Variants in ESRRG observed in about 807,000 individuals in gnomAD.
The protein encoded by ESRRG is estrogen-related receptor gamma.
Under a neutral mutation model 44.0 loss-of-function variants are expected in ESRRG, and 13 were observed. The observed-to-expected ratio is 0.30, with a 90% CI of 0.19 to 0.47. ESRRG has a LOEUF of 0.47. Ranked by LOEUF, ESRRG falls within the 20% of genes least tolerant of loss-of-function variation. The pLI is 1.00. For missense variants in ESRRG, 395 were observed against 580.6 expected (o/e 0.68, Z 3.29); for synonymous variants, 215 against 214.6 (o/e 1.00, Z -0.02).
intron 2 of ESRRG, among the ~76,000 whole-genome samples, chr1:216,778,474 A>G (rs1031399429): frequency 6.6e-6 from 1 of 152,038 alleles, no homozygotes; most frequent in African/African-American, 2.4e-5. Flanking sequence ...AGTATCCACT[A>G]CAGAAGTGTT....
intron 5 of ESRRG, among the ~76,000 whole-genome samples, chr1:216,562,854 T>C (rs1214042592): frequency 6.6e-6 from 1 of 152,200 alleles, no homozygotes; most frequent in Non-Finnish European, 1.5e-5. Context: ...AGTGCTTTCC[T>C]TACAAATAAG....
At chr1:216,899,914 A>G (rs931525913) in intron 2 of ESRRG, among the ~76,000 whole-genome samples, 2 of 152,112 alleles carry the variant, frequency 1.3e-5, no homozygotes, top group Non-Finnish European at 2.9e-5. Context: ...AAGTCTCTGG[A>G]TGTGGAGCCA....
At chr1:216,719,493 T>C (rs1024407513) in intron 1 of ESRRG, among the ~76,000 whole-genome samples, 5 of 152,070 alleles carry the variant, frequency 3.3e-5, no homozygotes, top group African/African-American at 1.2e-4. Flanking sequence ...GCTGATTTCC[T>C]GCATTATTTT....
intron 1 of ESRRG, among the ~76,000 whole-genome samples, chr1:217,101,110 C>T (rs1461197507): frequency 6.6e-6 from 1 of 152,190 alleles, no homozygotes; most frequent in East Asian, 1.9e-4. Flanking sequence ...TGAGACACAT[C>T]CTCTTTCTTG....
At chr1:216,780,358 T>C (rs1241064950) in intron 2 of ESRRG, among the ~76,000 whole-genome samples, 1 of 152,024 alleles carries the variant, frequency 6.6e-6, no homozygotes, top group Non-Finnish European at 1.5e-5. Context: ...AATTCTTCTC[T>C]TTCCCTGACA....
rs535106404 is a variant in ESRRG at position 216,952,818 on chromosome 1, T to C, written c.-105-13145A>G. Among the ~76,000 whole-genome samples, 4 of 152,278 alleles carry C rather than the reference T, an allele frequency of 2.6e-5. No individual in the cohort carries two copies. In the East Asian group the frequency reaches 5.8e-4, roughly 22 times the overall value. On this transcript the variant is annotated intron_variant, in intron 1 of 7. Transcript: ENST00000359162. ...TCCAACTGAGCCCCCAGATCTTTCC[T>C]GGCACTGTTTTACTGTCAGCTACTA... is the stretch of plus-strand genomic sequence containing the variant.
At chr1:216,883,098 C>A (rs966510071) in intron 2 of ESRRG, among the ~76,000 whole-genome samples, 1 of 152,136 alleles carries the variant, frequency 6.6e-6, no homozygotes, top group Admixed American at 6.5e-5. Flanking sequence ...TTTGCTCAGG[C>A]TGGGCGCAGT....
At chr1:217,050,851 C>T (rs991795052) in intron 1 of ESRRG, among the ~76,000 whole-genome samples, 2 of 151,982 alleles carry the variant, frequency 1.3e-5, no homozygotes, top group Non-Finnish European at 2.9e-5. Flanking sequence ...AATGTCAGTA[C>T]GGGCTATTAG....
chr1:217,091,989 G>T (rs1163006687), upstream of ESRRG, among the ~76,000 whole-genome samples: 1 of 152,144 alleles, frequency 6.6e-6, no homozygotes, highest in Non-Finnish European at 1.5e-5. Context: ...TCAGACAAAT[G>T]TCTTCCATGC....
chr1:216,628,978 G>A (rs909350990), intron 3 of ESRRG, among the ~76,000 whole-genome samples: 1 of 151,804 alleles, frequency 6.6e-6, no homozygotes, highest in African/African-American at 2.4e-5. Context: ...CTCTCCACTT[G>A]GAATATCTGC....
At chr1:217,036,969 T>A (rs1234192459) in intron 1 of ESRRG, among the ~76,000 whole-genome samples, 2 of 152,160 alleles carry the variant, frequency 1.3e-5, no homozygotes, top group African/African-American at 4.8e-5. Flanking sequence ...AGATGACCAC[T>A]AGAGAAGAAT....
intron 5 of ESRRG, among the ~76,000 whole-genome samples, chr1:216,534,754 C>T (rs561150760): frequency 6.6e-5 from 10 of 152,200 alleles, no homozygotes; most frequent in East Asian, 1.9e-4. Context: ...CTAGGAGGTT[C>T]GTTTGACAAC....
At chr1:216,570,854 T>C (rs2060647409) in intron 3 of ESRRG, among the ~76,000 whole-genome samples, 1 of 152,170 alleles carries the variant, frequency 6.6e-6, no homozygotes, top group Non-Finnish European at 1.5e-5. Flanking sequence ...TAAACTTGCT[T>C]TTCATGCTTG....
intron 1 of ESRRG, among the ~76,000 whole-genome samples, chr1:216,953,811 C>T (rs925775079): frequency 6.6e-5 from 10 of 151,892 alleles, no homozygotes; most frequent in African/African-American, 2.4e-4. Context: ...CTCAAGTATT[C>T]TTTTGTGTCT....
chr1:216,572,301 T>C lies in ESRRG; in HGVS notation c.590-4203A>G, dbSNP rs79930778. Among the ~76,000 whole-genome samples the C allele has an allele frequency of 8.0e-3, 1,209 of 151,928 alleles. 15 individuals are homozygous for C. Among genetic ancestry groups the C allele is most frequent in the African/African-American group, 0.025 (1,023 of 41,448 alleles). ...ACACCACCCAGTAAAACCAGATTTT[T>C]CCCCCCAGGACAATCAAATAAAAAC... On this transcript the variant is annotated intron_variant, in intron 3 of 6. Transcript: ENST00000408911.
chr1:216,840,789 C>G (rs1055488398), intron 2 of ESRRG, among the ~76,000 whole-genome samples: 1 of 152,090 alleles, frequency 6.6e-6, no homozygotes, highest in African/African-American at 2.4e-5. Context: ...GTGGAGCACT[C>G]AGAATACATA....
intron 2 of ESRRG, among the ~76,000 whole-genome samples, chr1:216,802,982 A>G (rs1186331824): frequency 2.6e-5 from 4 of 151,928 alleles, no homozygotes; most frequent in Admixed American, 6.6e-5. Context: ...TGGTATTTTC[A>G]TTTCTTTCTA....
intron 2 of ESRRG, among the ~76,000 whole-genome samples, chr1:216,885,882 A>C (rs1351254228): frequency 1.3e-5 from 2 of 150,406 alleles, no homozygotes; most frequent in East Asian, 2.0e-4. Flanking sequence ...ATTTCCTTCC[A>C]CTCGTTCAAC....
intron 2 of ESRRG, among the ~76,000 whole-genome samples, chr1:216,667,685 CAAAAAAAAAAAA>C (rs67275285): frequency 1.8e-4 from 12 of 66,226 alleles, no homozygotes; most frequent in Non-Finnish European, 1.3e-4. Context: ...GACTCCATCT[CAAAAAAAAAAAA>C]AAAAAAAAAA....
Sources: gnomAD v4.1 joint callset for allele counts (sites outside exome capture counted in the v4.1 genomes callset) on GRCh38, gnomAD v4.1.1 for gene constraint, MANE v1.5 for transcripts, NCBI Gene and HGNC (gene_info 2026-07-23, HGNC 2026-07-21) for gene names.